Variants in CYTH1 observed in about 807,000 individuals in gnomAD.
CYTH1 encodes cytohesin-1.
In CYTH1, 18 loss-of-function variants were observed where a neutral mutation model predicts 61.8. The observed-to-expected ratio is 0.29, with a 90% CI of 0.20 to 0.43. CYTH1 has a LOEUF of 0.43. Among genes scored for constraint, CYTH1 ranks in the 20% least tolerant of loss-of-function variants. The probability of loss-of-function intolerance (pLI) is 1.00; values close to 1 mark genes in which losing one functional copy is unlikely to be tolerated. For synonymous variants in CYTH1, 174 were observed against 184.3 expected, an observed-to-expected ratio of 0.94 and a Z score of 0.45; for missense variants, 336 against 510.5, an observed-to-expected ratio of 0.66 and a Z score of 3.29.
chr17:78,770,429 T>C (rs138869211), intron 1 of CYTH1, among the ~76,000 whole-genome samples: 16 of 151,456 alleles, frequency 1.1e-4, no homozygotes, highest in African/African-American at 3.9e-4. Flanking sequence ...TTTTGTTTTG[T>C]TTTGTTTGAG....
chr17:78,733,771 G>A (rs533146533), intron 1 of CYTH1, among the ~76,000 whole-genome samples: 1 of 152,362 alleles, frequency 6.6e-6, no homozygotes, highest in East Asian at 1.9e-4. Flanking sequence ...TGTATACCAA[G>A]CAAGATAAAG....
At chr17:78,773,098 G>C (rs138009359) in intron 1 of CYTH1, among the ~76,000 whole-genome samples, 1 of 152,234 alleles carries the variant, frequency 6.6e-6, no homozygotes, top group East Asian at 1.9e-4. Flanking sequence ...CTCCCAAAGT[G>C]CTGGGATTAC....
At chr17:78,685,670 C>A (rs1181687447) in intron 11 of CYTH1, among the ~76,000 whole-genome samples, 1 of 152,062 alleles carries the variant, frequency 6.6e-6, no homozygotes. Flanking sequence ...TTTTACTTCC[C>A]AGGGCCTTTC....
chr17:78,676,701 G>A (rs1292452544), intron 13 of CYTH1: 1 of 318,930 alleles, frequency 3.1e-6, no homozygotes. Context: ...TGCTGCTGGT[G>A]GGGCACCATG....
chr17:78,741,999 T>A (rs1338431200), intron 1 of CYTH1, among the ~76,000 whole-genome samples: 3 of 152,234 alleles, frequency 2.0e-5, no homozygotes, highest in Non-Finnish European at 4.4e-5. Flanking sequence ...TTGAAGGAGC[T>A]GGTATGTTTA....
chr17:78,682,779 G>A (rs1360790459), intron 11 of CYTH1, among the ~76,000 whole-genome samples: 1 of 152,178 alleles, frequency 6.6e-6, no homozygotes, highest in African/African-American at 2.4e-5. Context: ...CTTTGCACAC[G>A]ACTGCCGTCC....
At chr17:78,685,019 T>G (rs1380937857) in intron 11 of CYTH1, among the ~76,000 whole-genome samples, 2 of 151,932 alleles carry the variant, frequency 1.3e-5, no homozygotes, top group Admixed American at 1.3e-4. Flanking sequence ...ACCAACATGG[T>G]GAAACCCCAT....
chr17:78,675,657 G>C lies in CYTH1; in HGVS notation c.*434C>G, dbSNP rs898106339. On this transcript the variant is annotated 3_prime_UTR_variant, in exon 14 of 14. Transcript: ENST00000446868. The stretch of plus-strand genomic sequence containing the variant: ...AAAAAAAAAAAAATAGATCTTTATA[G>C]TATGTGGCTTCTCTTCCTTTCCACC... 2.6e-6 allele frequency: 1 copy of C among 384,348 alleles called. No homozygotes were observed. The highest frequency in any genetic ancestry group is 2.1e-5 in the African/African-American group (1 of 48,166). 23.8% of individuals were successfully genotyped at this position (384,348 alleles called of 1,614,324 possible).
At chr17:78,699,040 C>T in intron 7 of CYTH1, 72 bp from the exon 8 acceptor site, 1 of 1,545,402 alleles carries the variant, frequency 6.5e-7, no homozygotes, top group East Asian at 2.3e-5. Flanking sequence ...CCCGCAAGAG[C>T]AAGAGTGGTA....
In CYTH1 at chr17:78,697,625, A is replaced by C. The variant is rs1454728395; in HGVS notation, c.811+644T>G. On this transcript the variant is annotated intron_variant, in intron 9 of 13. Transcript: ENST00000446868. ...GGGGAAAAAAAAAAGAAAAAAAAAA[A>C]ACCACTGCCCAAGAATGAGTAAGAG... Among the ~76,000 whole-genome samples the C allele has an allele frequency of 2.6e-5, 4 of 151,960 alleles. No individual in the cohort carries two copies. The South Asian group carries it at 6.3e-4, about 24-fold the overall frequency.
chr17:78,767,985 G>A (rs2093455870), intron 1 of CYTH1, among the ~76,000 whole-genome samples: 1 of 152,224 alleles, frequency 6.6e-6, no homozygotes, highest in East Asian at 1.9e-4. Context: ...TGCAGCTGCT[G>A]TGTACAGAAG....
At chr17:78,768,016 T>C (rs949807434) in intron 1 of CYTH1, among the ~76,000 whole-genome samples, 5 of 152,192 alleles carry the variant, frequency 3.3e-5, no homozygotes, top group Non-Finnish European at 5.9e-5. Flanking sequence ...CAAAATGAAA[T>C]GTGAGACCGA....
intron 5 of CYTH1, 92 bp from the exon 6 acceptor site, chr17:78,701,843 C>G: frequency 8.0e-7 from 1 of 1,250,044 alleles, no homozygotes; most frequent in Non-Finnish European, 1.2e-6. Context: ...TACACTGCGT[C>G]CTGTGGTCCT....
intron 13 of CYTH1, 90 bp downstream of exon 13, chr17:78,680,100 G>A (rs1056568842): frequency 6.5e-5 from 98 of 1,505,386 alleles, no homozygotes; most frequent in Non-Finnish European, 8.2e-5. Flanking sequence ...GAAGAGATGC[G>A]GGCGGCATGT....
intron 1 of CYTH1, among the ~76,000 whole-genome samples, chr17:78,747,166 A>G (rs1362471356): frequency 2.7e-5 from 4 of 150,850 alleles, no homozygotes; most frequent in African/African-American, 7.3e-5. Context: ...AAAAAAAAAA[A>G]AAAAGAAAAA....
intron 10 of CYTH1, among the ~76,000 whole-genome samples, chr17:78,693,800 T>A (rs2092912814): frequency 6.6e-6 from 1 of 152,104 alleles, no homozygotes; most frequent in South Asian, 2.1e-4. Context: ...AAGGGAACAT[T>A]TTCTGAACAT....
At chr17:78,754,337 GTTTT>G (rs1211174193) in intron 1 of CYTH1, among the ~76,000 whole-genome samples, 1 of 151,830 alleles carries the variant, frequency 6.6e-6, no homozygotes, top group African/African-American at 2.4e-5. Flanking sequence ...AAATTGTGGG[GTTTT>G]TTGTTTTCTT....
At chr17:78,680,597 G>A (rs2092750280) in intron 12 of CYTH1, among the ~76,000 whole-genome samples, 1 of 152,172 alleles carries the variant, frequency 6.6e-6, no homozygotes, top group African/African-American at 2.4e-5. Context: ...AATGCGGAGA[G>A]AACTGCAGGT....
rs1190626315 is a variant in CYTH1, at chr17:78,700,323, G to T, written c.550+8C>A. The T allele has an allele frequency of 6.2e-7, 1 of 1,600,238 alleles. No individual in the cohort carries two copies. The highest frequency in any genetic ancestry group is 8.5e-7 in the Non-Finnish European group (1 of 1,173,324). On this transcript the variant is annotated splice_region_variant and intron_variant, in intron 7 of 13. Transcript: ENST00000446868. The surrounding 1 kb of genome is among the most constrained non-coding windows in gnomAD (Gnocchi z 5.1). ...CCATCATAAACTAGGATGAATGATC[G>T]TATTTACCCGTGGACTGGAACACGC...
Sources: allele counts gnomAD v4.1 joint callset (sites outside exome capture counted in the v4.1 genomes callset), GRCh38; gene constraint gnomAD v4.1.1; non-coding constraint Gnocchi (gnomAD v3.1); transcripts MANE v1.5; gene names NCBI Gene and HGNC (gene_info 2026-07-23, HGNC 2026-07-21).